Variants in GLMN observed in about 807,000 individuals in gnomAD.
The protein encoded by GLMN is glomulin, FKBP associated protein.
A neutral mutation model predicts 87.8 loss-of-function variants in GLMN; 75 were observed. The ratio of observed to expected loss-of-function variants is 0.85; its 90% CI spans 0.71 to 1.04. The LOEUF is 1.04. Among genes scored for constraint, GLMN ranks in the 50% least tolerant of loss-of-function variants. The pLI is 0.00. For synonymous variants in GLMN, 206 were observed against 221.6 expected, an observed-to-expected ratio of 0.93 and a Z score of 0.63; for missense variants, 588 against 658.8, an observed-to-expected ratio of 0.89 and a Z score of 1.18.
the GLMN span, among the ~76,000 whole-genome samples, chr1:92,342,172 T>C: frequency 3.3e-5 from 5 of 152,164 alleles, no homozygotes; most frequent in African/African-American, 1.2e-4. Flanking sequence ...AGGGAGAAAG[T>C]TGCACTTTTT....
At chr1:92,293,363 T>C (rs1434022135) in intron 3 of GLMN, among the ~76,000 whole-genome samples, 2 of 152,152 alleles carry the variant, frequency 1.3e-5, no homozygotes, top group Non-Finnish European at 2.9e-5. Context: ...CGACATGTAT[T>C]GTCGCGATCT....
intron 7 of GLMN, among the ~76,000 whole-genome samples, chr1:92,277,603 T>G (rs931192428): frequency 8.5e-5 from 13 of 152,156 alleles, no homozygotes; most frequent in African/African-American, 1.2e-4. Flanking sequence ...TTAAGTTGAT[T>G]ACCAACGGTC....
intron 15 of GLMN, among the ~76,000 whole-genome samples, chr1:92,263,415 G>T (rs1655255756): frequency 6.6e-6 from 1 of 152,086 alleles, no homozygotes; most frequent in Non-Finnish European, 1.5e-5. Flanking sequence ...TCATAGTGCT[G>T]GTCATTCATC....
the GLMN span, among the ~76,000 whole-genome samples, chr1:92,309,300 G>A: frequency 6.6e-6 from 1 of 151,942 alleles, no homozygotes; most frequent in African/African-American, 2.4e-5. Context: ...AAATTAGCTG[G>A]ACGTGGTGAC....
chr1:92,292,139 T>C (rs1355619192), intron 3 of GLMN, among the ~76,000 whole-genome samples: 1 of 152,206 alleles, frequency 6.6e-6, no homozygotes, highest in Non-Finnish European at 1.5e-5. Flanking sequence ...TTCTCTGGCC[T>C]GCTTTGTATT....
chr1:92,249,901 G>A (rs1462873041), intron 16 of GLMN, among the ~76,000 whole-genome samples: 2 of 152,128 alleles, frequency 1.3e-5, no homozygotes, highest in African/African-American at 2.4e-5. Flanking sequence ...ATATTTCAAT[G>A]TAATGACATG....
At chr1:92,294,332 G>A (rs1649780193) in intron 3 of GLMN, among the ~76,000 whole-genome samples, 1 of 152,064 alleles carries the variant, frequency 6.6e-6, no homozygotes, top group South Asian at 2.1e-4. Context: ...AGTCTTGTAA[G>A]ATAATAAAAA....
the GLMN span, among the ~76,000 whole-genome samples, chr1:92,311,786 T>C: frequency 3.9e-5 from 6 of 152,244 alleles, no homozygotes; most frequent in Non-Finnish European, 8.8e-5. Context: ...GTTTCCACTA[T>C]ACTGTAGTCT....
rs1243785842 is a variant in GLMN, at chr1:92,286,603, A to G, written c.633-11T>C. The G allele has an allele frequency of 1.5e-6, 2 of 1,298,510 alleles. No homozygotes were observed. The highest frequency in any genetic ancestry group is 2.9e-5 in the African/African-American group (2 of 68,974). The allele number at this position is 1,298,510 out of a possible 1,614,324, so 80.4% of individuals were successfully genotyped here. ...AAGCTTTTGAAACAACTAAGGCATA[A>G]GAAATAGGTAACTATGAAATCAACA... On this transcript the variant is annotated splice_polypyrimidine_tract_variant and intron_variant, in intron 6 of 18. Transcript: ENST00000370360.
the GLMN span, among the ~76,000 whole-genome samples, chr1:92,327,122 G>A: frequency 1.3e-5 from 2 of 152,256 alleles, no homozygotes; most frequent in South Asian, 2.1e-4. Flanking sequence ...ATTTGTTCTA[G>A]GGTATAATCA....
intron 16 of GLMN, among the ~76,000 whole-genome samples, chr1:92,253,293 C>CATCTCCCTGGGA (rs1553134168): frequency 6.6e-6 from 1 of 152,194 alleles, no homozygotes; most frequent in Non-Finnish European, 1.5e-5. Flanking sequence ...ATAAAACTTC[C>CATCTCCCTGGGA]ATCTCCCTGG....
chr1:92,327,035 C>CTGT, the GLMN span, among the ~76,000 whole-genome samples: 1 of 152,242 alleles, frequency 6.6e-6, no homozygotes, highest in African/African-American at 2.4e-5. Context: ...ATCTCGGAGA[C>CTGT]TGTTCCATGT....
At chr1:92,290,411 T>C (rs925182931) in intron 4 of GLMN, 105 bp from the exon 5 acceptor site, 1 of 718,666 alleles carries the variant, frequency 1.4e-6, no homozygotes, top group Non-Finnish European at 2.4e-6. Context: ...TATACAATTA[T>C]GTTTTTGCTT....
chr1:92,248,796 A>G (rs1653030356), intron 16 of GLMN, among the ~76,000 whole-genome samples: 1 of 152,166 alleles, frequency 6.6e-6, no homozygotes, highest in South Asian at 2.1e-4. Context: ...TCTATGCTGA[A>G]TAATTGATAA....
Position 92,285,657 on chromosome 1 carries a change from C to G in GLMN, c.735+833G>C, listed in dbSNP as rs1046089760. ...ACATACATGCTCAATCCCTTGCCCC[C>G]CTCTTGCTCTCTACAACTTACCCTG... On this transcript the variant is annotated intron_variant, in intron 7 of 18. Coordinates refer to ENST00000370360, the MANE Select transcript of GLMN (RefSeq NM_053274.3). Among the ~76,000 whole-genome samples the G allele has an allele frequency of 3.3e-5, 5 of 152,070 alleles. No homozygotes were observed. The East Asian group carries it at 9.6e-4, about 29-fold the overall frequency.
the GLMN span, among the ~76,000 whole-genome samples, chr1:92,337,789 T>A: frequency 1.3e-5 from 2 of 152,154 alleles, no homozygotes; most frequent in East Asian, 3.8e-4. Flanking sequence ...ACATTGATTT[T>A]CATTCATCGT....
chr1:92,298,129 A>G, intron 1 of GLMN, 100 bp from the exon 2 acceptor site: 2 of 648,048 alleles, frequency 3.1e-6, no homozygotes, highest in Non-Finnish European at 5.6e-6. Context: ...TACAATAAAG[A>G]AAATGGAAAG....
chr1:92,311,050 A>G, the GLMN span, among the ~76,000 whole-genome samples: 1 of 152,214 alleles, frequency 6.6e-6, no homozygotes, highest in Admixed American at 6.5e-5. Context: ...TTACTACATG[A>G]AATGCCTCTG....
At chr1:92,292,617 G>A (rs1414013375) in intron 3 of GLMN, among the ~76,000 whole-genome samples, 2 of 147,034 alleles carry the variant, frequency 1.4e-5, no homozygotes, top group Non-Finnish European at 3.0e-5. Flanking sequence ...TAGAGATGGG[G>A]TTTCACCATG....
Sources: allele counts gnomAD v4.1 joint callset (sites outside exome capture counted in the v4.1 genomes callset), GRCh38; gene constraint gnomAD v4.1.1; transcripts MANE v1.5; gene names NCBI Gene and HGNC (gene_info 2026-07-23, HGNC 2026-07-21).